Variants in MYO5B observed in about 807,000 individuals in gnomAD.
MYO5B encodes myosin VB, also known as unconventional myosin-Vb.
Under a neutral mutation model 229.3 loss-of-function variants are expected in MYO5B, and 143 were observed. The ratio of observed to expected loss-of-function variants is 0.62; its 90% CI spans 0.54 to 0.72. The LOEUF (loss-of-function observed/expected upper bound fraction) is 0.72, where lower values mean the gene tolerates loss of function less well. Among genes scored for constraint, MYO5B ranks in the 30% least tolerant of loss-of-function variants. MYO5B has a pLI of 0.00. For synonymous variants in MYO5B, 918 were observed against 885.2 expected (o/e 1.04, Z -0.66); for missense variants, 2,321 against 2,331.0 (o/e 1.00, Z 0.09).
At chr18:50,124,700 C>G (rs537503958) in intron 1 of MYO5B, among the ~76,000 whole-genome samples, 1 of 152,016 alleles carries the variant, frequency 6.6e-6, no homozygotes, top group Admixed American at 6.5e-5. Flanking sequence ...AAATCTTTCC[C>G]CCCTGGTGCC....
In MYO5B at chr18:49,877,999, AT is replaced by A. The variant is rs2024546243; in HGVS notation, c.3277-118del. The A allele has an allele frequency of 1.0e-4, 127 of 1,255,776 alleles. 2 individuals are homozygous for A. The South Asian group carries it at 1.3e-3, about 13-fold the overall frequency. 77.8% of individuals were successfully genotyped at this position (1,255,776 alleles called of 1,614,324 possible). A position where few individuals can be genotyped will look rare whatever the true frequency, so the allele number is the denominator to read the frequency against. Reference sequence around the variant, plus strand: ...GCCTAATTTGTCAACAAGAATAGGTATCATTGCTTCTTGGAATGATGGCTAA... The same window carrying A: ...GCCTAATTTGTCAACAAGAATAGGTACATTGCTTCTTGGAATGATGGCTAA... On this transcript the variant is annotated intron_variant, in intron 24 of 39. Transcript: ENST00000285039.
chr18:49,929,454 C>G, intron 17 of MYO5B, 58 bp downstream of exon 17: 1 of 1,464,464 alleles, frequency 6.8e-7, no homozygotes, highest in South Asian at 1.2e-5. Context: ...CCCTGGGGAA[C>G]CAAACTCTGG....
Position 49,962,388 on chromosome 18 carries a change from G to C in MYO5B, c.1423C>G (p.Gln475Glu). Residue 475 changes from glutamine (Q) to glutamate (E), a missense_variant, in exon 12 of 40, where the codon CAA becomes GAA. This residue lies in a region of MYO5B where 2,113 missense variants were observed against 2,044.7 expected (regional missense o/e 1.03). Transcript: ENST00000285039. Reference sequence around the variant, plus strand: ...ATCTGTTCCTTCATGTATTCTTCTTGCTCCAGTTTGAAAACATGCTAGGGC... The same window carrying C: ...ATCTGTTCCTTCATGTATTCTTCTTCCTCCAGTTTGAAAACATGCTAGGGC... ...QFNSHVFKLE[Q>E]EEYMKEQIPW... 1 of 1,614,104 alleles carries C rather than the reference G, an allele frequency of 6.2e-7. No homozygotes were observed. Among genetic ancestry groups the C allele is most frequent in the Non-Finnish European group, 8.5e-7 (1 of 1,180,004 alleles).
intron 10 of MYO5B, among the ~76,000 whole-genome samples, chr18:49,970,336 G>C (rs2025677914): frequency 6.6e-6 from 1 of 152,180 alleles, no homozygotes; most frequent in Admixed American, 6.5e-5. Flanking sequence ...CTGGGACAGA[G>C]GAGCAAGATG....
At chr18:50,185,529 G>T (rs1387091117) in intron 1 of MYO5B, among the ~76,000 whole-genome samples, 3 of 152,160 alleles carry the variant, frequency 2.0e-5, no homozygotes. Flanking sequence ...TAGAAGATAG[G>T]ATCTTGAATG....
chr18:50,088,915 C>A (rs1233613490), intron 1 of MYO5B, among the ~76,000 whole-genome samples: 1 of 152,142 alleles, frequency 6.6e-6, no homozygotes, highest in Non-Finnish European at 1.5e-5. Context: ...CTTGACAGAT[C>A]TTTGTTAGCT....
At chr18:50,155,830 C>T (rs549316965) in intron 1 of MYO5B, among the ~76,000 whole-genome samples, 1 of 152,306 alleles carries the variant, frequency 6.6e-6, no homozygotes, top group East Asian at 1.9e-4. Flanking sequence ...TCCAAAAGTG[C>T]TTTATGAAAT....
chr18:50,034,542 G>A (rs146855078), intron 4 of MYO5B, among the ~76,000 whole-genome samples: 3,659 of 152,186 alleles, frequency 0.024, 53 homozygotes, highest in Non-Finnish European at 0.036. Context: ...TCAGAAGTTC[G>A]AGGCCAGCCT....
chr18:50,042,779 G>T (rs1240792658), intron 2 of MYO5B, among the ~76,000 whole-genome samples: 2 of 152,114 alleles, frequency 1.3e-5, no homozygotes, highest in Non-Finnish European at 2.9e-5. Context: ...CCTCTCCCGG[G>T]CTCTGCACCC....
rs865789295 is a variant in MYO5B, at chr18:49,985,023, C to T, written c.839-198G>A. ...AACTGAATAGTACAAGAAAATTATA[C>T]GACACTGACAGAAATGTGCTGCTGT... is the stretch of plus-strand genomic sequence containing the variant. On this transcript the variant is annotated intron_variant, in intron 7 of 39. Transcript: ENST00000285039. 3.9e-5 allele frequency among the ~76,000 whole-genome samples: 6 copies of T among 152,306 alleles called. No homozygotes were observed. In the East Asian group the frequency reaches 5.8e-4, roughly 15 times the overall value.
intron 9 of MYO5B, among the ~76,000 whole-genome samples, chr18:49,975,773 C>T (rs545662893): frequency 1.2e-4 from 18 of 152,266 alleles, no homozygotes; most frequent in Non-Finnish European, 2.4e-4. Context: ...AACTACTCAA[C>T]CAGGCCCCCG....
rs770376354 is a variant in MYO5B at position 49,877,817 on chromosome 18, G to A, written c.3342C>T (p.Pro1114=). The change falls in exon 25 of 40, where the codon CCC becomes CCT. Residue 1114 remains proline (P), a synonymous_variant. Coordinates refer to ENST00000285039, the MANE Select transcript of MYO5B (RefSeq NM_001080467.3). The part of the protein sequence containing the change: ...QSSLESDSNY[P]SISTSEIGDT... ...CTCCGATCTCAGATGTGGAGATGGA[G>A]GGGTAATTGGAGTCAGATTCTAAGC... The A allele has an allele frequency of 5.3e-5, 85 of 1,614,168 alleles. No homozygotes were observed. The highest frequency in any genetic ancestry group is 7.0e-5 in the Non-Finnish European group (83 of 1,180,014).
chr18:50,043,349 T>TAAA (rs2030091983), intron 2 of MYO5B, among the ~76,000 whole-genome samples: 2 of 88,902 alleles, frequency 2.2e-5, no homozygotes, highest in African/African-American at 8.8e-5. Flanking sequence ...TTATATTATA[T>TAAA]ATAATATAAA....
At chr18:50,043,064 T>C (rs565545115) in intron 2 of MYO5B, among the ~76,000 whole-genome samples, 2 of 151,566 alleles carry the variant, frequency 1.3e-5, no homozygotes, top group Non-Finnish European at 2.9e-5. Flanking sequence ...CCATTTGATC[T>C]AGCAAACCCA....
intron 1 of MYO5B, among the ~76,000 whole-genome samples, chr18:50,175,454 A>G (rs1208893210): frequency 6.6e-6 from 1 of 152,254 alleles, no homozygotes; most frequent in Non-Finnish European, 1.5e-5. Context: ...TGAATCAGTA[A>G]AAGCTTGATG....
intron 1 of MYO5B, among the ~76,000 whole-genome samples, chr18:50,172,376 G>A (rs1487866574): frequency 6.6e-6 from 1 of 151,354 alleles, no homozygotes; most frequent in Non-Finnish European, 1.5e-5. Flanking sequence ...CTTATACGAT[G>A]GCCCAGATAA....
chr18:49,938,028 A>G (rs1309354196), intron 14 of MYO5B, among the ~76,000 whole-genome samples: 1 of 152,194 alleles, frequency 6.6e-6, no homozygotes, highest in African/African-American at 2.4e-5. Context: ...AATGGTAGGA[A>G]AAAAGTTGCT....
intron 1 of MYO5B, among the ~76,000 whole-genome samples, chr18:50,139,021 C>T (rs934897086): frequency 6.6e-6 from 1 of 152,234 alleles, no homozygotes; most frequent in Non-Finnish European, 1.5e-5. Context: ...CAAGTTAACC[C>T]ATGCCAGTTA....
At chr18:50,102,180 A>G (rs1186367232) in intron 1 of MYO5B, among the ~76,000 whole-genome samples, 1 of 152,176 alleles carries the variant, frequency 6.6e-6, no homozygotes, top group Non-Finnish European at 1.5e-5. Context: ...ATTCTCACTC[A>G]TAAGTGGGGG....
Sources: gnomAD v4.1 joint callset for allele counts (sites outside exome capture counted in the v4.1 genomes callset) on GRCh38, gnomAD v4.1.1 for gene constraint, gnomAD v4.1.1 regional missense constraint, MANE v1.5 for transcripts, NCBI Gene and HGNC (gene_info 2026-07-23, HGNC 2026-07-21) for gene names.